ADORA2B: variants seen among roughly 807,000 people sequenced by gnomAD.
ADORA2B encodes adenosine receptor A2b.
Under a neutral mutation model 20.8 loss-of-function variants are expected in ADORA2B, and 18 were observed. That is an observed-to-expected ratio of 0.87 (90% confidence interval 0.60 to 1.29). The LOEUF (loss-of-function observed/expected upper bound fraction) is 1.29, where lower values mean the gene tolerates loss of function less well. Among genes scored for constraint, ADORA2B ranks in the 50% most tolerant of loss-of-function variants. The pLI is 0.00. For missense variants in ADORA2B, 441 were observed against 422.7 expected, an observed-to-expected ratio of 1.04 and a Z score of -0.38; for synonymous variants, 179 against 178.3, an observed-to-expected ratio of 1.00 and a Z score of -0.03.
the ADORA2B span, among the ~76,000 whole-genome samples, chr17:15,933,944 A>G: frequency 6.6e-6 from 1 of 152,170 alleles, no homozygotes; most frequent in African/African-American, 2.4e-5. Context: ...CTTAGAGGGA[A>G]TGCTTGCAGT....
At chr17:15,876,412 G>A in the ADORA2B span, among the ~76,000 whole-genome samples, 1 of 127,606 alleles carries the variant, frequency 7.8e-6, no homozygotes, top group Admixed American at 7.6e-5. Flanking sequence ...ATAGCTTAAG[G>A]TCTTTTTTTT....
chr17:15,950,331 C>T (rs1410876532), intron 1 of ADORA2B, among the ~76,000 whole-genome samples: 1 of 152,142 alleles, frequency 6.6e-6, no homozygotes, highest in East Asian at 1.9e-4. Flanking sequence ...GCCTTCTCGC[C>T]CTGCTTGTTT....
chr17:15,934,089 C>G, the ADORA2B span, among the ~76,000 whole-genome samples: 1 of 151,820 alleles, frequency 6.6e-6, no homozygotes, highest in Non-Finnish European at 1.5e-5. Context: ...TTGCCAAATA[C>G]TTTTTCTATG....
the ADORA2B span, among the ~76,000 whole-genome samples, chr17:15,894,410 G>A: frequency 2.0e-5 from 3 of 152,216 alleles, no homozygotes; most frequent in Admixed American, 6.5e-5. Flanking sequence ...GGAGGCAGCA[G>A]TGCAGAGCCA....
At chr17:15,952,676 G>A (rs1275023525) in intron 1 of ADORA2B, among the ~76,000 whole-genome samples, 1 of 152,196 alleles carries the variant, frequency 6.6e-6, no homozygotes, top group African/African-American at 2.4e-5. Flanking sequence ...TCAAATGGAC[G>A]AGTGAGGAAA....
chr17:15,871,147 G>A, the ADORA2B span, among the ~76,000 whole-genome samples: 1 of 152,208 alleles, frequency 6.6e-6, no homozygotes, highest in Non-Finnish European at 1.5e-5. Context: ...TCTTAGTGGT[G>A]TGTGCACTCC....
intron 1 of ADORA2B, among the ~76,000 whole-genome samples, chr17:15,965,586 T>A (rs1314551950): frequency 1.3e-5 from 2 of 152,236 alleles, no homozygotes; most frequent in Non-Finnish European, 2.9e-5. Flanking sequence ...ATGGAGACAC[T>A]GCTTTGGTTC....
chr17:15,962,700 TAG>T (rs1264044595), intron 1 of ADORA2B, among the ~76,000 whole-genome samples: 5 of 152,104 alleles, frequency 3.3e-5, no homozygotes, highest in Non-Finnish European at 7.4e-5. Flanking sequence ...GCATTTTTAG[TAG>T]AGACGGGGTT....
the ADORA2B span, among the ~76,000 whole-genome samples, chr17:15,894,644 G>A: frequency 6.3e-3 from 954 of 152,290 alleles, 6 homozygotes; most frequent in Middle Eastern, 0.027. Context: ...TTAGAAATAT[G>A]TCTTAGACAG....
In ADORA2B at chr17:15,975,688, C is replaced by G. The variant is rs566643808; in HGVS notation, c.*346C>G. The G allele has an allele frequency of 3.7e-4, 80 of 213,732 alleles. No individual in the cohort carries two copies. Among genetic ancestry groups the G allele is most frequent in the African/African-American group, 1.8e-3 (78 of 43,596 alleles). The allele number at this position is 213,732 out of a possible 1,614,324, so 13.2% of individuals were successfully genotyped here. On this transcript the variant is annotated 3_prime_UTR_variant, in exon 2 of 2. Transcript: ENST00000304222. Reference sequence around the variant, plus strand: ...TGAAACAGTGTGAACTATTATAATGCAAATACTTTTTAACTTAGAGGCAAT... The same window carrying G: ...TGAAACAGTGTGAACTATTATAATGGAAATACTTTTTAACTTAGAGGCAAT...
intron 1 of ADORA2B, chr17:15,974,392 C>T (rs1168384789): frequency 3.0e-6 from 1 of 335,332 alleles, no homozygotes; most frequent in East Asian, 4.8e-5. Context: ...ACATTGAGGA[C>T]TTACAGTACT....
chr17:15,891,607 TC>T, the ADORA2B span, among the ~76,000 whole-genome samples: 2 of 152,086 alleles, frequency 1.3e-5, no homozygotes, highest in South Asian at 4.1e-4. Context: ...CTCAGAGAGA[TC>T]CTGGGAATGA....
chr17:15,966,556 G>T (rs983733230), intron 1 of ADORA2B, among the ~76,000 whole-genome samples: 1 of 152,234 alleles, frequency 6.6e-6, no homozygotes, highest in African/African-American at 2.4e-5. Context: ...GCAGGCCTTG[G>T]CGGTTCCCCG....
At chr17:15,932,856 A>T in the ADORA2B span, among the ~76,000 whole-genome samples, 1 of 152,156 alleles carries the variant, frequency 6.6e-6, no homozygotes, top group South Asian at 2.1e-4. Context: ...ATAGTTTTGT[A>T]ATAAGTTTTG....
the ADORA2B span, among the ~76,000 whole-genome samples, chr17:15,854,926 CTTTT>C: frequency 1.4e-5 from 2 of 140,844 alleles, no homozygotes; most frequent in African/African-American, 2.6e-5. Flanking sequence ...GGATTTAACT[CTTTT>C]TTTTTTTTTT....
chr17:15,896,755 A>C, the ADORA2B span, among the ~76,000 whole-genome samples: 28 of 152,148 alleles, frequency 1.8e-4, no homozygotes, highest in Non-Finnish European at 5.9e-5. Flanking sequence ...TTAGCTGCCA[A>C]ACTTTAGACA....
At chr17:15,945,916 C>A (rs925661188) in intron 1 of ADORA2B, among the ~76,000 whole-genome samples, 8 of 152,270 alleles carry the variant, frequency 5.3e-5, no homozygotes, top group African/African-American at 1.9e-4. Context: ...CCCCCGTGGG[C>A]GGGTGGAGCC....
the ADORA2B span, among the ~76,000 whole-genome samples, chr17:15,895,580 T>C: frequency 2.0e-5 from 3 of 152,280 alleles, no homozygotes; most frequent in Admixed American, 1.3e-4. Flanking sequence ...GATGGAAATG[T>C]TCTGTATCTG....
chr17:15,942,343 C>T (rs975255805), upstream of ADORA2B, among the ~76,000 whole-genome samples: 2 of 152,094 alleles, frequency 1.3e-5, no homozygotes, highest in African/African-American at 4.8e-5. Context: ...CCCCATGTGA[C>T]ATGCCTGCTC....
Sources: allele counts gnomAD v4.1 joint callset (sites outside exome capture counted in the v4.1 genomes callset), GRCh38; gene constraint gnomAD v4.1.1; transcripts MANE v1.5; gene names NCBI Gene and HGNC (gene_info 2026-07-23, HGNC 2026-07-21).